PRSS48: variants seen among roughly 807,000 people sequenced by gnomAD.
The protein encoded by PRSS48 is epidermis-specific serine protease-like protein.
In PRSS48, 21 loss-of-function variants were observed where a neutral mutation model predicts 25.6. The observed-to-expected ratio is 0.82, with a 90% CI of 0.58 to 1.18. The LOEUF (loss-of-function observed/expected upper bound fraction) is 1.18. Among genes scored for constraint, PRSS48 ranks in the 50% most tolerant of loss-of-function variants. PRSS48 has a pLI of 0.00. For missense variants in PRSS48, 373 were observed against 399.3 expected, an observed-to-expected ratio of 0.93 and a Z score of 0.56; for synonymous variants, 150 against 149.3, an observed-to-expected ratio of 1.00 and a Z score of -0.04.
intron 4 of PRSS48, among the ~76,000 whole-genome samples, chr4:151,290,753 T>C (rs1208676118): frequency 6.6e-6 from 1 of 152,246 alleles, no homozygotes; most frequent in Non-Finnish European, 1.5e-5. Context: ...ACTATCATTT[T>C]AGGTAAGAAT....
At chr4:151,284,175 A>T (rs1295230680) in intron 4 of PRSS48, among the ~76,000 whole-genome samples, 1 of 152,122 alleles carries the variant, frequency 6.6e-6, no homozygotes, top group Non-Finnish European at 1.5e-5. Flanking sequence ...ATTCTGCCTC[A>T]TTTCTCTCTC....
At chr4:151,284,866 C>G (rs1774590676) in intron 4 of PRSS48, among the ~76,000 whole-genome samples, 1 of 152,156 alleles carries the variant, frequency 6.6e-6, no homozygotes, top group South Asian at 2.1e-4. Flanking sequence ...CTAACCTGCA[C>G]ATGTATGTAA....
At chr4:151,277,659 A>G (rs574540980) in intron 1 of PRSS48, among the ~76,000 whole-genome samples, 1 of 152,180 alleles carries the variant, frequency 6.6e-6, no homozygotes, top group African/African-American at 2.4e-5. Context: ...GAGCATCTCA[A>G]GCAGAGGGAA....
At chr4:151,279,240 ATT>A in intron 1 of PRSS48, 3 of 207,252 alleles carry the variant, frequency 1.4e-5, no homozygotes, top group South Asian at 6.6e-5. Flanking sequence ...TTCTTTTTCA[ATT>A]TTTTTTTTAG....
At chr4:151,280,065 G>A in intron 2 of PRSS48, 107 bp downstream of exon 2, 3 of 1,307,716 alleles carry the variant, frequency 2.3e-6, no homozygotes, top group South Asian at 2.7e-5. Context: ...AGGCAGGGCG[G>A]AAGGAAACCC....
chr4:151,278,987 C>T, intron 1 of PRSS48: 1 of 249,202 alleles, frequency 4.0e-6, no homozygotes, highest in Non-Finnish European at 8.0e-6. Flanking sequence ...TGCAAATATT[C>T]ACTGAGAACC....
chr4:151,285,113 T>C (rs544768772), intron 4 of PRSS48, among the ~76,000 whole-genome samples: 1 of 152,144 alleles, frequency 6.6e-6, no homozygotes, highest in East Asian at 1.9e-4. Context: ...AAAAAGAGTG[T>C]CATTCCTTTC....
intron 4 of PRSS48, 103 bp from the exon 5 acceptor site, chr4:151,291,015 A>G: frequency 1.2e-6 from 1 of 809,108 alleles, no homozygotes; most frequent in Non-Finnish European, 1.9e-6. Flanking sequence ...CCACAGCTCC[A>G]TGGGTCTCAT....
chr4:151,282,066 G>A (rs550999454), intron 2 of PRSS48, 82 bp from the exon 3 acceptor site: 4 of 1,443,156 alleles, frequency 2.8e-6, no homozygotes, highest in Admixed American at 1.9e-5. Flanking sequence ...CCTTTCTTGA[G>A]TAGAGACTTA....
chr4:151,287,434 G>C (rs1369964484), intron 4 of PRSS48, among the ~76,000 whole-genome samples: 1 of 151,324 alleles, frequency 6.6e-6, no homozygotes, highest in East Asian at 1.9e-4. Flanking sequence ...TCACAAGGAA[G>C]CTATAGACCA....
At chr4:151,279,566 T>A (rs1192284070) in intron 1 of PRSS48, among the ~76,000 whole-genome samples, 1 of 152,198 alleles carries the variant, frequency 6.6e-6, no homozygotes, top group Non-Finnish European at 1.5e-5. Flanking sequence ...TATTTCTTCC[T>A]TAGGTTCTTG....
chr4:151,289,746 A>G (rs987192523), intron 4 of PRSS48, among the ~76,000 whole-genome samples: 4 of 152,170 alleles, frequency 2.6e-5, no homozygotes, highest in African/African-American at 9.7e-5. Flanking sequence ...TTCCACTCCT[A>G]GGTATATGAC....
At chr4:151,291,313 C>T (rs765782154) in exon 5 of PRSS48, 8 of 1,613,766 alleles carry the variant, frequency 5.0e-6, no homozygotes, top group South Asian at 2.2e-5. Flanking sequence ...CCCTATTGTC[C>T]TACTCTCTCT....
chr4:151,288,636 T>C (rs1775045996), intron 4 of PRSS48, among the ~76,000 whole-genome samples: 1 of 151,058 alleles, frequency 6.6e-6, no homozygotes. Flanking sequence ...GCCACTGCAC[T>C]CCAGCCTGGG....
intron 1 of PRSS48, among the ~76,000 whole-genome samples, 175 bp from the exon 2 acceptor site, chr4:151,279,621 G>A (rs1310774107): frequency 6.6e-6 from 1 of 152,172 alleles, no homozygotes. Flanking sequence ...TCAGGGGAGT[G>A]GTCTCCATTT....
At chr4:151,280,678 C>T (rs991422590) in intron 2 of PRSS48, among the ~76,000 whole-genome samples, 2 of 152,024 alleles carry the variant, frequency 1.3e-5, no homozygotes, top group Non-Finnish European at 2.9e-5. Flanking sequence ...GTAATCCCAG[C>T]TACTCATGAG....
At chr4:151,278,600 G>A (rs1395853466) in intron 1 of PRSS48, among the ~76,000 whole-genome samples, 4 of 151,936 alleles carry the variant, frequency 2.6e-5, no homozygotes, top group Admixed American at 2.6e-4. Flanking sequence ...TGTGACCTAG[G>A]GTTTCCTTCT....
chr4:151,277,755 T>C (rs1045804809), intron 1 of PRSS48, among the ~76,000 whole-genome samples: 3 of 151,978 alleles, frequency 2.0e-5, no homozygotes, highest in Admixed American at 1.3e-4. Flanking sequence ...AGGAAGGGTA[T>C]ACTGGCCAGG....
Position 151,282,424 on chromosome 4 carries a change from G to A in PRSS48, c.481+11G>A, listed in dbSNP as rs761300446. 1.2e-6 allele frequency: 2 copies of A among 1,613,222 alleles called. No individual in the cohort carries two copies. Among genetic ancestry groups the A allele is most frequent in the Admixed American group, 1.7e-5 (1 of 59,978 alleles). ...TTAAGGAAAGTTCAGGTGAGAATGG[G>A]CAGAGAGAAGGGTTGTTTCATATGT... On this transcript the variant is annotated intron_variant, in intron 3 of 4. Transcript: ENST00000455694.
Sources: allele counts gnomAD v4.1 joint callset (sites outside exome capture counted in the v4.1 genomes callset), GRCh38; gene constraint gnomAD v4.1.1; transcripts MANE v1.5; gene names NCBI Gene and HGNC (gene_info 2026-07-23, HGNC 2026-07-21).